SLC11A2: variants seen among roughly 807,000 people sequenced by gnomAD.
The protein encoded by SLC11A2 is natural resistance-associated macrophage protein 2.
A neutral mutation model predicts 68.0 loss-of-function variants in SLC11A2; 38 were observed. The observed-to-expected ratio is 0.56, with a 90% confidence interval of 0.43 to 0.73. SLC11A2 has a LOEUF of 0.73. SLC11A2 is among the 30% of genes least tolerant of loss of function. The pLI is 0.00. For synonymous variants in SLC11A2, 242 were observed against 250.6 expected, an observed-to-expected ratio of 0.97 and a Z score of 0.32; for missense variants, 517 against 690.5, an observed-to-expected ratio of 0.75 and a Z score of 2.82.
chr12:51,001,570 A>G (rs1490770461), intron 5 of SLC11A2, among the ~76,000 whole-genome samples: 1 of 146,786 alleles, frequency 6.8e-6, no homozygotes, highest in Non-Finnish European at 1.5e-5. Flanking sequence ...TACGTTCTTA[A>G]TAAACTTGCT....
Position 50,986,458 on chromosome 12 carries a change from A to T in SLC11A2, c.*1867T>A, listed in dbSNP as rs1263609693. 7.8e-7 allele frequency: 1 copy of T among 1,285,822 alleles called. No individual in the cohort carries two copies. Among genetic ancestry groups the T allele is most frequent in the East Asian group, 5.5e-5 (1 of 18,020 alleles). 79.7% of individuals were successfully genotyped at this position (1,285,822 alleles called of 1,614,324 possible). A position where few individuals can be genotyped will look rare whatever the true frequency, so the allele number is the denominator to read the frequency against. On this transcript the variant is annotated 3_prime_UTR_variant, in exon 16 of 16. Transcript: ENST00000262052. ...ATTGCAAGTCATAAATATAACTTTT[A>T]AAAGAATACTAGCAGCTTTTACCTA...
chr12:50,961,987 T>C, the SLC11A2 span, among the ~76,000 whole-genome samples: 1 of 152,144 alleles, frequency 6.6e-6, no homozygotes, highest in East Asian at 1.9e-4. Flanking sequence ...CCAGACACTG[T>C]TTAGAAATAT....
rs886049567 is a variant in SLC11A2, at chr12:50,999,202, G to A, written c.647C>T (p.Thr216Ile). Residue 216 changes from threonine (T) to isoleucine (I), a missense_variant, in exon 8 of 16, where the codon ACT becomes ATT. By Grantham distance (89) the Thr-to-Ile change is moderately conservative. Coordinates refer to ENST00000262052, the MANE Select transcript of SLC11A2 (RefSeq NM_000617.3). ...KLEAFFGFLITIMALTFGYEY... is the reference protein window; with the variant it reads ...KLEAFFGFLIIIMALTFGYEY... ...ATATCCAAATGTGAGGGCCATAATA[G>A]TGATGAGAAAGCCAAAAAATGCTTC... 30 of 1,613,694 alleles carry A rather than the reference G, an allele frequency of 1.9e-5. No homozygotes were observed. Among genetic ancestry groups the A allele is most frequent in the Non-Finnish European group, 2.5e-5 (29 of 1,179,880 alleles).
At chr12:50,976,606 T>C (rs1939852144), downstream of SLC11A2, among the ~76,000 whole-genome samples, 1 of 152,202 alleles carries the variant, frequency 6.6e-6, no homozygotes, top group African/African-American at 2.4e-5. Context: ...CCTCCCTCTC[T>C]CACCACTCCT....
intron 5 of SLC11A2, among the ~76,000 whole-genome samples, chr12:51,004,285 C>T (rs1942529390): frequency 6.6e-6 from 1 of 152,154 alleles, no homozygotes; most frequent in Admixed American, 6.5e-5. Context: ...GAAGAAGCTG[C>T]AGAGGACAGT....
rs758635229 is a variant in SLC11A2, at chr12:50,987,315, A to G, written c.*1010T>C. ...GCAACGGTTAAGTCCACAGCTCCTG[A>G]GATTGCCTCGCAAGTCATCTTGGGC... On this transcript the variant is annotated 3_prime_UTR_variant, in exon 16 of 16. Transcript: ENST00000262052. 1 of 1,287,242 alleles carries G rather than the reference A, an allele frequency of 7.8e-7. No homozygotes were observed. Among genetic ancestry groups the G allele is most frequent in the South Asian group, 1.2e-5 (1 of 80,942 alleles). The allele number at this position is 1,287,242 out of a possible 1,614,324, so 79.7% of individuals were successfully genotyped here.
At chr12:51,012,360 T>A (rs577456678) in intron 1 of SLC11A2, among the ~76,000 whole-genome samples, 15 of 149,084 alleles carry the variant, frequency 1.0e-4, no homozygotes, top group African/African-American at 3.8e-4. Flanking sequence ...AAAAAAAAAA[T>A]GTTTCAATCT....
At chr12:51,009,326 A>G (rs769624011) in intron 2 of SLC11A2, 17 of 1,242,610 alleles carry the variant, frequency 1.4e-5, no homozygotes, top group Non-Finnish European at 1.7e-5. Context: ...TCTCAGACTG[A>G]TATCAGCGTT....
At chr12:50,994,508 T>C (rs760426686) in intron 11 of SLC11A2, 36 bp downstream of exon 11, 2 of 1,337,666 alleles carry the variant, frequency 1.5e-6, no homozygotes, top group Non-Finnish European at 2.2e-6. Context: ...AAAATACTGA[T>C]TCAGGAACAA....
downstream of SLC11A2, among the ~76,000 whole-genome samples, chr12:50,976,073 G>A (rs534688274): frequency 3.3e-5 from 5 of 152,292 alleles, no homozygotes; most frequent in South Asian, 2.1e-4. Flanking sequence ...ACAAGGAGGA[G>A]CTGGTACCAT....
In SLC11A2 at chr12:50,990,838, G is replaced by A; in HGVS notation, c.1532C>T (p.Ala511Val). 1 of 1,614,110 alleles carries A rather than the reference G, an allele frequency of 6.2e-7. No individual in the cohort carries two copies. The highest frequency in any genetic ancestry group is 8.5e-7 in the Non-Finnish European group (1 of 1,179,982). The change falls in exon 15 of 16, where the codon GCT becomes GTT. Residue 511 changes from alanine to valine, a missense_variant. Coordinates refer to ENST00000262052, the MANE Select transcript of SLC11A2 (RefSeq NM_000617.3). ...DLGHVALYVV[A>V]AVVSVAYLGF... The stretch of plus-strand genomic sequence containing the variant: ...CAGATAAGCCACGCTGACCACAGCA[G>A]CCACCACATATAATGCCACATGCCC...
At chr12:50,999,440 G>A (rs1942016484) in intron 6 of SLC11A2, 25 bp from the exon 7 acceptor site, 1 of 1,563,580 alleles carries the variant, frequency 6.4e-7, no homozygotes, top group Non-Finnish European at 8.8e-7. Flanking sequence ...AGATATGGAA[G>A]TCAGAGAGAC....
downstream of SLC11A2, among the ~76,000 whole-genome samples, chr12:50,976,485 A>G (rs779478479): frequency 3.9e-4 from 60 of 152,212 alleles, no homozygotes; most frequent in Non-Finnish European, 7.9e-4. Context: ...TATTGATGGG[A>G]TGTATCTCAA....
Position 50,988,279 on chromosome 12 carries a change from C to T in SLC11A2, c.*46G>A. ...ATGTTCACACAGTAAACCATAGAAA[C>T]ACACTGGCTCTGATGGCTACCTGCA... On this transcript the variant is annotated 3_prime_UTR_variant, in exon 16 of 16. Transcript: ENST00000262052. 1.9e-6 allele frequency: 3 copies of T among 1,613,276 alleles called. No individual in the cohort carries two copies. Among genetic ancestry groups the T allele is most frequent in the Non-Finnish European group, 2.5e-6 (3 of 1,179,528 alleles).
At position 51,004,826 on chromosome 12, in the gene SLC11A2, G is replaced by A. The variant is rs750691408; in HGVS notation, c.391C>T (p.Leu131=). 1.9e-6 allele frequency: 3 copies of A among 1,614,032 alleles called. No individual in the cohort carries two copies. Among genetic ancestry groups the A allele is most frequent in the African/African-American group, 1.3e-5 (1 of 75,062 alleles). Residue 131 remains leucine (L), a synonymous_variant, in exon 5 of 16, where the codon CTG becomes TTG. Transcript: ENST00000262052. ...LAARLGVVTG[L]HLAEVCHRQY... Reference sequence around the variant, plus strand: ...CGGTGACATACTTCAGCAAGATGCAGCCCAGTAACCACTCCCAGTCTAGCT... The same window carrying A: ...CGGTGACATACTTCAGCAAGATGCAACCCAGTAACCACTCCCAGTCTAGCT...
In SLC11A2 at chr12:51,026,384, T is replaced by G; in HGVS notation, c.-113A>C. ...CATATTCCGGGAGCCAGCGCCACGC[T>G]GGCTAACGCCCTCCCCTCCCCGCGA... On this transcript the variant is annotated 5_prime_UTR_variant, in exon 1 of 16. Coordinates refer to ENST00000262052, the MANE Select transcript of SLC11A2 (RefSeq NM_000617.3). 3 of 1,274,286 alleles carry G rather than the reference T, an allele frequency of 2.4e-6. No individual in the cohort carries two copies. Among genetic ancestry groups the G allele is most frequent in the South Asian group, 1.2e-5 (1 of 80,468 alleles). 78.9% of individuals were successfully genotyped at this position (1,274,286 alleles called of 1,614,324 possible).
At chr12:50,977,758 G>T (rs1425378414), downstream of SLC11A2, among the ~76,000 whole-genome samples, 9 of 152,194 alleles carry the variant, frequency 5.9e-5, no homozygotes, top group East Asian at 1.2e-3. Context: ...CTGACAAAGG[G>T]CTAATATCCA....
At chr12:51,011,420 A>T (rs1280164559) in intron 1 of SLC11A2, among the ~76,000 whole-genome samples, 1 of 151,562 alleles carries the variant, frequency 6.6e-6, no homozygotes, top group African/African-American at 2.4e-5. Flanking sequence ...GAGCCAACGC[A>T]CCTGGCCAGG....
the SLC11A2 span, among the ~76,000 whole-genome samples, chr12:50,955,444 T>C: frequency 6.6e-6 from 1 of 152,234 alleles, no homozygotes. Context: ...TTTCTCTTTC[T>C]TCTCCATGGA....
Sources: allele counts gnomAD v4.1 joint callset (sites outside exome capture counted in the v4.1 genomes callset), GRCh38; gene constraint gnomAD v4.1.1; transcripts MANE v1.5; gene names NCBI Gene and HGNC (gene_info 2026-07-23, HGNC 2026-07-21).